Variants in GRB14 observed in about 807,000 individuals in gnomAD.
The protein encoded by GRB14 is growth factor receptor-bound protein 14.
In GRB14, 38 loss-of-function variants were observed where a neutral mutation model predicts 69.1. The ratio of observed to expected loss-of-function variants is 0.55; its 90% confidence interval spans 0.42 to 0.72. The LOEUF is 0.72. Ranked by LOEUF, GRB14 falls within the 30% of genes least tolerant of loss-of-function variation. The pLI is 0.00. For synonymous variants in GRB14, 247 were observed against 241.3 expected, an observed-to-expected ratio of 1.02 and a Z score of -0.22; for missense variants, 666 against 666.1, an observed-to-expected ratio of 1.00 and a Z score of 0.00.
intron 2 of GRB14, among the ~76,000 whole-genome samples, chr2:164,587,726 T>C (rs1689571690): frequency 6.6e-6 from 1 of 152,216 alleles, no homozygotes; most frequent in African/African-American, 2.4e-5. Context: ...ATGCAAGATC[T>C]GCTAGGCTTA....
intron 2 of GRB14, among the ~76,000 whole-genome samples, chr2:164,565,843 G>A (rs901883094): frequency 6.6e-5 from 10 of 152,016 alleles, no homozygotes; most frequent in East Asian, 1.9e-4. Flanking sequence ...AGATCAAGGC[G>A]TACTTTCTCT....
intron 4 of GRB14, among the ~76,000 whole-genome samples, chr2:164,526,609 T>C (rs1265518074): frequency 1.3e-5 from 2 of 152,084 alleles, no homozygotes; most frequent in Non-Finnish European, 2.9e-5. Flanking sequence ...TTTCCTAAAT[T>C]CTATAGAAAG....
At chr2:164,587,640 G>A (rs537060324) in intron 2 of GRB14, among the ~76,000 whole-genome samples, 1 of 151,940 alleles carries the variant, frequency 6.6e-6, no homozygotes, top group African/African-American at 2.4e-5. Flanking sequence ...AGGAAGGAGG[G>A]AGTCAGGCCA....
At chr2:164,595,905 G>C (rs6750775) in intron 2 of GRB14, among the ~76,000 whole-genome samples, 24,551 of 151,998 alleles carry the variant, frequency 0.16, 3,158 homozygotes, top group African/African-American at 0.36. Context: ...GCGGGCGAAT[G>C]ACAAGATCAG....
At chr2:164,545,839 A>G (rs758945310) in intron 3 of GRB14, among the ~76,000 whole-genome samples, 4 of 152,222 alleles carry the variant, frequency 2.6e-5, no homozygotes, top group Non-Finnish European at 4.4e-5. Context: ...CTCTAGTAGA[A>G]CGAATTCTTT....
intron 2 of GRB14, among the ~76,000 whole-genome samples, chr2:164,611,414 G>A (rs1213938702): frequency 6.6e-6 from 1 of 152,042 alleles, no homozygotes; most frequent in Admixed American, 6.6e-5. Flanking sequence ...GATGAAAGAT[G>A]AAGCAGTACT....
At chr2:164,582,258 C>T (rs1332338837) in intron 2 of GRB14, among the ~76,000 whole-genome samples, 1 of 152,114 alleles carries the variant, frequency 6.6e-6, no homozygotes, top group African/African-American at 2.4e-5. Flanking sequence ...CCACCATATA[C>T]ATCAAGTTGC....
At chr2:164,591,007 A>C (rs143714876) in intron 2 of GRB14, among the ~76,000 whole-genome samples, 90 of 152,344 alleles carry the variant, frequency 5.9e-4, no homozygotes, top group African/African-American at 2.1e-3. Flanking sequence ...TGGCCTAATG[A>C]ATGTCTGTTA....
chr2:164,547,444 G>C (rs1171935427), intron 3 of GRB14, among the ~76,000 whole-genome samples: 1 of 152,036 alleles, frequency 6.6e-6, no homozygotes, highest in East Asian at 1.9e-4. Context: ...CTCAACAGCA[G>C]AATGGATCAA....
chr2:164,508,618 G>A, intron 7 of GRB14, 68 bp from the exon 8 acceptor site: 1 of 1,501,024 alleles, frequency 6.7e-7, no homozygotes, highest in Non-Finnish European at 9.2e-7. Context: ...TGAAATAAAA[G>A]CCACTAAAAT....
chr2:164,552,457 A>C (rs1688566346), intron 2 of GRB14, among the ~76,000 whole-genome samples: 1 of 152,218 alleles, frequency 6.6e-6, no homozygotes, highest in Non-Finnish European at 1.5e-5. Context: ...GCCTTTGAGT[A>C]TATAATTAAT....
chr2:164,558,134 C>T (rs531093014), intron 2 of GRB14, among the ~76,000 whole-genome samples: 94 of 152,182 alleles, frequency 6.2e-4, no homozygotes, highest in African/African-American at 2.2e-3. Context: ...CCTTAAAGCC[C>T]CTCCATTCAC....
chr2:164,576,339 A>G (rs1033913282), intron 2 of GRB14, among the ~76,000 whole-genome samples: 4 of 151,864 alleles, frequency 2.6e-5, no homozygotes, highest in African/African-American at 7.3e-5. Context: ...ATAATAAAAT[A>G]GATTTAATTG....
chr2:164,605,640 C>G (rs769822769), intron 2 of GRB14, among the ~76,000 whole-genome samples: 1 of 152,170 alleles, frequency 6.6e-6, no homozygotes, highest in Non-Finnish European at 1.5e-5. Flanking sequence ...GTCAAAATGT[C>G]TAAAACTGCT....
intron 3 of GRB14, among the ~76,000 whole-genome samples, 198 bp from the exon 4 acceptor site, chr2:164,527,333 C>T (rs1687809293): frequency 6.6e-6 from 1 of 150,860 alleles, no homozygotes. Flanking sequence ...CATCAATTTT[C>T]AATTACTAAT....
At chr2:164,545,646 A>G (rs1688354869) in intron 3 of GRB14, among the ~76,000 whole-genome samples, 3 of 152,224 alleles carry the variant, frequency 2.0e-5, no homozygotes. Flanking sequence ...CTGTTGCTTT[A>G]AGACGAGTTT....
intron 3 of GRB14, among the ~76,000 whole-genome samples, chr2:164,546,628 T>G (rs1480587768): frequency 1.3e-5 from 2 of 152,178 alleles, no homozygotes; most frequent in Non-Finnish European, 2.9e-5. Flanking sequence ...CAACTCACTG[T>G]GTTTACACCA....
intron 6 of GRB14, among the ~76,000 whole-genome samples, chr2:164,518,408 C>T (rs1487363211): frequency 6.6e-6 from 1 of 151,980 alleles, no homozygotes; most frequent in Admixed American, 6.6e-5. Flanking sequence ...ATGCCTACAT[C>T]AAAAAGTCTA....
Position 164,621,132 on chromosome 2 carries a change from A to T in GRB14, c.178T>A (p.Cys60Ser). Residue 60 changes from cysteine to serine, a missense_variant, in exon 1 of 14, where the codon TGT becomes AGT. By Grantham distance (112) the Cys-to-Ser change is moderately radical. Transcript: ENST00000263915. This position sits in a 1 kb window ranked among gnomAD's most constrained non-coding sequence, Gnocchi z 6.0. ...LLPLPDGTRG[C>S]AADRRKKKDL... ...AGGGTTGCCTACCTGTCTGCAGCAC[A>T]GCCGCGGGTCCCGTCCGGAAGGGGC... 8.0e-7 allele frequency: 1 copy of T among 1,246,168 alleles called. No individual in the cohort carries two copies. The allele number at this position is 1,246,168 out of a possible 1,614,324, so 77.2% of individuals were successfully genotyped here. A position where few individuals can be genotyped will look rare whatever the true frequency, so the allele number is the denominator to read the frequency against.
Sources: allele counts gnomAD v4.1 joint callset (sites outside exome capture counted in the v4.1 genomes callset), GRCh38; gene constraint gnomAD v4.1.1; non-coding constraint Gnocchi (gnomAD v3.1); transcripts MANE v1.5; gene names NCBI Gene and HGNC (gene_info 2026-07-23, HGNC 2026-07-21).